LRRK1: variants seen among roughly 807,000 people sequenced by gnomAD.
The protein encoded by LRRK1 is leucine rich repeat kinase 1.
In LRRK1, 113 loss-of-function variants were observed where a neutral mutation model predicts 209.1. The ratio of observed to expected loss-of-function variants is 0.54; its 90% confidence interval spans 0.46 to 0.63. LRRK1 has a LOEUF of 0.63. LRRK1 is among the 30% of genes least tolerant of loss of function. The pLI is 0.00. For synonymous variants in LRRK1, 1,144 were observed against 1,099.7 expected, an observed-to-expected ratio of 1.04 and a Z score of -0.80; for missense variants, 2,284 against 2,632.2, an observed-to-expected ratio of 0.87 and a Z score of 2.89.
intron 2 of LRRK1, among the ~76,000 whole-genome samples, chr15:100,951,699 C>T (rs1314092708): frequency 3.9e-5 from 6 of 152,028 alleles, no homozygotes; most frequent in African/African-American, 1.2e-4. Context: ...CACCTGTAAT[C>T]CCAGCACTTT....
At chr15:100,966,186 T>C (rs1001800868) in intron 2 of LRRK1, among the ~76,000 whole-genome samples, 10 of 152,194 alleles carry the variant, frequency 6.6e-5, no homozygotes, top group Admixed American at 2.0e-4. Context: ...TACAAAACAA[T>C]AGTATTTTGG....
At chr15:101,025,919 T>C in intron 16 of LRRK1, 46 bp from the exon 17 acceptor site, 1 of 1,604,882 alleles carries the variant, frequency 6.2e-7, no homozygotes, top group Non-Finnish European at 8.5e-7. Context: ...CTGTCCCTTG[T>C]TCCATGAACA....
intron 30 of LRRK1, 178 bp from the exon 31 acceptor site, chr15:101,062,396 T>C (rs767209125): frequency 3.5e-6 from 2 of 566,624 alleles, no homozygotes; most frequent in Non-Finnish European, 6.3e-6. Flanking sequence ...TCTGTCTTTT[T>C]CAACGTTTCT....
rs2034905703 is a variant in LRRK1, at chr15:101,043,912, C to T, written c.2964-2069C>T. On this transcript the variant is annotated intron_variant, in intron 20 of 33. Coordinates refer to ENST00000388948, the MANE Select transcript of LRRK1 (RefSeq NM_024652.6). Reference sequence around the variant, plus strand: ...GCCACTGACAAATACATGTAAAATACTCAGAACAGTGTCTCTTAAGCTCCC... The same window carrying T: ...GCCACTGACAAATACATGTAAAATATTCAGAACAGTGTCTCTTAAGCTCCC... The T allele has an allele frequency of 2.0e-5, 3 of 152,246 alleles. No individual in the cohort carries two copies. In the South Asian group the frequency reaches 6.2e-4, roughly 32 times the overall value. 9.4% of individuals were successfully genotyped at this position (152,246 alleles called of 1,614,324 possible).
intron 31 of LRRK1, among the ~76,000 whole-genome samples, chr15:101,063,014 A>T (rs542560490): frequency 1.3e-5 from 2 of 152,116 alleles, no homozygotes; most frequent in South Asian, 2.1e-4. Context: ...CCCTTCCCCT[A>T]TCCGGAGCCT....
rs750960615 is a variant in LRRK1 at position 101,053,408 on chromosome 15, G to A, written c.4042G>A (p.Glu1348Lys). The A allele has an allele frequency of 1.1e-5, 17 of 1,593,368 alleles. No homozygotes were observed. The highest frequency in any genetic ancestry group is 2.7e-5 in the African/African-American group (2 of 74,868). ...CAGCAGCCTCAACACCGTGCTGTCCGAGAACGCCAGAGGTACCGCGGCGCG... is the reference window on the plus strand; with the variant it reads ...CAGCAGCCTCAACACCGTGCTGTCCAAGAACGCCAGAGGTACCGCGGCGCG... ...PLSSLNTVLS[E>K]NARDSSFIPL... Residue 1348 changes from glutamate (E) to lysine (K), a missense_variant, in exon 26 of 34, where the codon GAG becomes AAG. By Grantham distance (56) the Glu-to-Lys change is moderately conservative. Around this residue, in one of 6 missense-constraint regions of LRRK1, gnomAD observed 780 missense variants for 985.2 expected, o/e 0.79. Coordinates refer to ENST00000388948, the MANE Select transcript of LRRK1 (RefSeq NM_024652.6).
intron 26 of LRRK1, among the ~76,000 whole-genome samples, chr15:101,054,560 ACTTTG>A (rs2141139605): frequency 6.6e-6 from 1 of 152,328 alleles, no homozygotes; most frequent in African/African-American, 2.4e-5. Flanking sequence ...TAATCCCAAC[ACTTTG>A]GGAGGCCCAG....
chr15:101,076,713 C>A lies in LRRK1; in HGVS notation c.*7865C>A, dbSNP rs1359100037. On this transcript the variant is annotated 3_prime_UTR_variant, in exon 34 of 34. Coordinates refer to ENST00000388948, the MANE Select transcript of LRRK1 (RefSeq NM_024652.6). The stretch of plus-strand genomic sequence containing the variant: ...TCCTCAGGGATTATTCAGGCCCCCT[C>A]CCTTCCCTACACATCAAGCTCAGGG... 1 of 152,262 alleles carries A rather than the reference C, an allele frequency of 6.6e-6. No homozygotes were observed. Among genetic ancestry groups the A allele is most frequent in the Non-Finnish European group, 1.5e-5 (1 of 68,118 alleles). The allele number at this position is 152,262 out of a possible 1,614,324, so 9.4% of individuals were successfully genotyped here. A position where few individuals can be genotyped will look rare whatever the true frequency, so the allele number is the denominator to read the frequency against.
chr15:101,036,892 T>C (rs1325179638), intron 20 of LRRK1, among the ~76,000 whole-genome samples: 1 of 152,262 alleles, frequency 6.6e-6, no homozygotes, highest in Non-Finnish European at 1.5e-5. Context: ...CAGTGGCATC[T>C]GTGATTTCCT....
At chr15:101,047,699 C>T (rs780155161) in intron 21 of LRRK1, among the ~76,000 whole-genome samples, 12 of 150,268 alleles carry the variant, frequency 8.0e-5, no homozygotes, top group East Asian at 1.9e-4. Context: ...GCCCGGGGCA[C>T]GGAGCGGCCC....
At chr15:101,052,318 A>G (rs2035506272) in intron 24 of LRRK1, among the ~76,000 whole-genome samples, 1 of 152,152 alleles carries the variant, frequency 6.6e-6, no homozygotes, top group Non-Finnish European at 1.5e-5. Context: ...CCAGCAGATA[A>G]GTGCAGCCAG....
chr15:100,993,140 T>C (rs1419736812), intron 6 of LRRK1, among the ~76,000 whole-genome samples: 1 of 152,126 alleles, frequency 6.6e-6, no homozygotes, highest in East Asian at 1.9e-4. Context: ...GACAAATAAG[T>C]GTAGTAATAT....
At chr15:101,059,042 G>A (rs191219551) in intron 29 of LRRK1, among the ~76,000 whole-genome samples, 239 of 152,220 alleles carry the variant, frequency 1.6e-3, no homozygotes, top group African/African-American at 5.4e-3. Flanking sequence ...CAGGTTTTAT[G>A]CCACTCGGAC....
At chr15:100,945,382 A>C (rs896185102) in intron 2 of LRRK1, among the ~76,000 whole-genome samples, 1 of 149,668 alleles carries the variant, frequency 6.7e-6, no homozygotes, top group African/African-American at 2.4e-5. Flanking sequence ...CAGCCTAGTT[A>C]GAATATGCAC....
In LRRK1 at chr15:101,021,835, C is replaced by A. The variant is rs1162334088; in HGVS notation, c.1740-10C>A. On this transcript the variant is annotated splice_polypyrimidine_tract_variant and intron_variant, in intron 13 of 33. Transcript: ENST00000388948. ...GTGTATTCTCTCGTGGTGGACACAT[C>A]TGTCTTCAGCAACCCTGGCCTCCGG... The A allele has an allele frequency of 3.4e-5, 54 of 1,588,102 alleles. No individual in the cohort carries two copies. Among genetic ancestry groups the A allele is most frequent in the Non-Finnish European group, 4.7e-5 (54 of 1,157,644 alleles).
chr15:101,052,362 G>A (rs115684904), intron 24 of LRRK1, among the ~76,000 whole-genome samples: 1,660 of 151,914 alleles, frequency 0.011, 26 homozygotes, highest in African/African-American at 0.037. Flanking sequence ...GGAGAGAAGG[G>A]AGAGCTCCCA....
rs373703455 is a variant in LRRK1, at chr15:101,066,155, C to T, written c.5718C>T (p.His1906=). 132 of 1,613,710 alleles carry T rather than the reference C, an allele frequency of 8.2e-5. 4 individuals carry two copies. The highest frequency in any genetic ancestry group is 5.2e-4 in the Admixed American group (31 of 60,010). The change falls in exon 32 of 34, where the codon CAC becomes CAT. Residue 1906 remains histidine, a synonymous_variant. Coordinates refer to ENST00000388948, the MANE Select transcript of LRRK1 (RefSeq NM_024652.6). Reference sequence around the variant, plus strand: ...TGGACGGGGAGACCTTCAGCCAGCACCTGCAGGCCGTGAAGATCCTCGCCG... The same window carrying T: ...TGGACGGGGAGACCTTCAGCCAGCATCTGCAGGCCGTGAAGATCCTCGCCG... ...TPMDGETFSQ[H]LQAVKILAVR...
intron 2 of LRRK1, among the ~76,000 whole-genome samples, chr15:100,963,374 C>T (rs533561391): frequency 5.3e-5 from 8 of 152,362 alleles, no homozygotes; most frequent in South Asian, 4.1e-4. Context: ...GCTTCCCCTC[C>T]GGCTGCTCGT....
chr15:101,052,024 G>A, intron 24 of LRRK1, 64 bp downstream of exon 24: 1 of 1,556,648 alleles, frequency 6.4e-7, no homozygotes, highest in Non-Finnish European at 8.7e-7. Context: ...TCGCTGTGCA[G>A]TTGCCGAGTG....
Sources: gnomAD v4.1 joint callset for allele counts (sites outside exome capture counted in the v4.1 genomes callset) on GRCh38, gnomAD v4.1.1 for gene constraint, gnomAD v4.1.1 regional missense constraint, MANE v1.5 for transcripts, NCBI Gene and HGNC (gene_info 2026-07-23, HGNC 2026-07-21) for gene names.